The following GAB1 variants were observed in gnomAD, a reference collection of about 807,000 sequenced individuals.
The protein encoded by GAB1 is GRB2-associated-binding protein 1.
A neutral mutation model predicts 66.5 loss-of-function variants in GAB1; 19 were observed. That is an observed-to-expected ratio of 0.29 (90% confidence interval 0.20 to 0.42). The LOEUF (loss-of-function observed/expected upper bound fraction) is 0.42, where lower values mean the gene tolerates loss of function less well. Ranked by LOEUF, GAB1 falls within the 10% of genes least tolerant of loss-of-function variation. The probability of loss-of-function intolerance (pLI) is 1.00; values close to 1 mark genes in which losing one functional copy is unlikely to be tolerated. For synonymous variants in GAB1, 294 were observed against 301.4 expected, an observed-to-expected ratio of 0.98 and a Z score of 0.25; for missense variants, 732 against 858.5, an observed-to-expected ratio of 0.85 and a Z score of 1.84.
intron 8 of GAB1, among the ~76,000 whole-genome samples, chr4:143,463,667 A>G (rs1464128152): frequency 6.6e-6 from 1 of 151,984 alleles, no homozygotes; most frequent in Non-Finnish European, 1.5e-5. Flanking sequence ...TTTGTTATTT[A>G]ATTCAAAGAA....
intron 6 of GAB1, among the ~76,000 whole-genome samples, chr4:143,440,677 C>T (rs17017785): frequency 0.028 from 4,265 of 152,194 alleles, 213 homozygotes; most frequent in African/African-American, 0.098. Flanking sequence ...ACTGGACTGC[C>T]GTAGCCCCAT....
intron 8 of GAB1, among the ~76,000 whole-genome samples, chr4:143,464,471 C>T (rs1735676069): frequency 6.6e-6 from 1 of 152,098 alleles, no homozygotes; most frequent in African/African-American, 2.4e-5. Flanking sequence ...CTCAGGTGGT[C>T]CGCCCGCCTC....
At chr4:143,466,302 G>T in intron 9 of GAB1, 77 bp downstream of exon 9, 1 of 1,404,694 alleles carries the variant, frequency 7.1e-7, no homozygotes, top group Non-Finnish European at 9.7e-7. Context: ...TTTCCTTTGG[G>T]ATAATTTTAT....
intron 2 of GAB1, among the ~76,000 whole-genome samples, chr4:143,418,631 T>A (rs1732835080): frequency 6.6e-6 from 1 of 152,228 alleles, no homozygotes; most frequent in South Asian, 2.1e-4. Context: ...TGGTTGTCTG[T>A]ATAGATTGAG....
Position 143,438,367 on chromosome 4 carries a change from G to T in GAB1, c.962G>T (p.Arg321Leu), listed in dbSNP as rs770936099. ...PTPGNTYQIP[R>L]TFPEGTLGQT... is the part of the protein sequence containing the mutation. ...CCTGGTAATACTTATCAGATTCCAC[G>T]AACATTTCCAGAAGGAACCTTGGGA... Residue 321 changes from arginine (R) to leucine (L), a missense_variant, in exon 4 of 10, where the codon CGA becomes CTA. Physicochemically the swap from Arg to Leu is moderately radical, Grantham distance 102 (BLOSUM62 -2). Transcript: ENST00000262994. 1 of 1,613,880 alleles carries T rather than the reference G, an allele frequency of 6.2e-7. No individual in the cohort carries two copies. The highest frequency in any genetic ancestry group is 8.5e-7 in the Non-Finnish European group (1 of 1,179,966).
Position 143,440,373 on chromosome 4 carries a change from G to T in GAB1, c.1576G>T (p.Asp526Tyr). ...PPPVDRNLKP[D>Y]RKVKPAPLEI... is the part of the protein sequence containing the mutation. ...CCCCGTGGATAGGAACCTCAAGCCA[G>T]ACAGAAAAGGTAAGGAGAGCATGGC... Residue 526 changes from aspartate to tyrosine, a missense_variant, in exon 6 of 10, where the codon GAC becomes TAC. Around this residue, in one of 4 missense-constraint regions of GAB1, gnomAD observed 204 missense variants for 276.8 expected, o/e 0.74. Coordinates refer to ENST00000262994, the MANE Select transcript of GAB1 (RefSeq NM_002039.4). The T allele has an allele frequency of 6.2e-7, 1 of 1,609,268 alleles. No homozygotes were observed. Among genetic ancestry groups the T allele is most frequent in the South Asian group, 1.1e-5 (1 of 90,522 alleles).
intron 3 of GAB1, 45 bp downstream of exon 3, chr4:143,433,761 A>G: frequency 2.1e-6 from 3 of 1,422,482 alleles, no homozygotes; most frequent in South Asian, 1.2e-5. Context: ...AGGCGTGTGT[A>G]TGTGTGTACA....
chr4:143,383,936 G>T (rs749801131), intron 1 of GAB1, among the ~76,000 whole-genome samples: 22 of 152,140 alleles, frequency 1.4e-4, no homozygotes, highest in African/African-American at 5.1e-4. Context: ...CTACCCGGGC[G>T]TGGTAACACT....
intron 2 of GAB1, among the ~76,000 whole-genome samples, chr4:143,431,656 A>G (rs1733660878): frequency 6.6e-6 from 1 of 152,206 alleles, no homozygotes; most frequent in Admixed American, 6.5e-5. Flanking sequence ...ATCAAACCAG[A>G]AAGGACTCTG....
intron 9 of GAB1, among the ~76,000 whole-genome samples, chr4:143,467,476 A>G (rs1735853094): frequency 1.3e-5 from 2 of 152,190 alleles, no homozygotes; most frequent in South Asian, 4.1e-4. Context: ...TTCTAAAATG[A>G]AATTCTGTTT....
At chr4:143,337,373 C>G (rs1293731925) in intron 1 of GAB1, 113 bp downstream of exon 1, 3 of 877,276 alleles carry the variant, frequency 3.4e-6, no homozygotes, top group East Asian at 2.7e-5. Context: ...AAACGAATGC[C>G]GGTCTCTTTC....
intron 9 of GAB1, 60 bp from the exon 10 acceptor site, chr4:143,468,971 A>T: frequency 6.5e-7 from 1 of 1,541,550 alleles, no homozygotes; most frequent in African/African-American, 1.4e-5. Context: ...TTTAAGACTG[A>T]GTTGTACTCA....
chr4:143,438,687 A>G, intron 4 of GAB1, 87 bp downstream of exon 4: 3 of 1,361,618 alleles, frequency 2.2e-6, no homozygotes, highest in Non-Finnish European at 3.0e-6. Context: ...GCGTAGTTAA[A>G]TATACTATGC....
intron 1 of GAB1, among the ~76,000 whole-genome samples, chr4:143,413,104 T>C (rs892418173): frequency 5.3e-5 from 8 of 152,148 alleles, no homozygotes; most frequent in African/African-American, 1.9e-4. Flanking sequence ...TTTTAAAAAG[T>C]CATTTCTGTA....
chr4:143,413,243 C>T (rs74712461), intron 1 of GAB1, among the ~76,000 whole-genome samples: 4,822 of 152,180 alleles, frequency 0.032, 119 homozygotes, highest in South Asian at 0.086. Context: ...TTAAAGCTTA[C>T]TGCTTGAGAG....
chr4:143,350,122 T>C, intron 1 of GAB1: 1 of 1,040,336 alleles, frequency 9.6e-7, no homozygotes, highest in South Asian at 1.4e-5. Flanking sequence ...CGCCATTTGG[T>C]GTTTTCTCGG....
intron 1 of GAB1, among the ~76,000 whole-genome samples, chr4:143,340,655 C>T (rs1254009354): frequency 1.3e-5 from 2 of 152,172 alleles, no homozygotes; most frequent in Admixed American, 1.3e-4. Flanking sequence ...GGATTATAGG[C>T]ATCCCCCTCC....
intron 1 of GAB1, among the ~76,000 whole-genome samples, chr4:143,368,377 T>G (rs2149663399): frequency 6.6e-6 from 1 of 152,330 alleles, no homozygotes. Context: ...CTGTGCTGTA[T>G]TTGGAGTGGA....
At chr4:143,443,182 A>G (rs932817796) in intron 6 of GAB1, among the ~76,000 whole-genome samples, 3 of 151,762 alleles carry the variant, frequency 2.0e-5, no homozygotes, top group Non-Finnish European at 2.9e-5. Flanking sequence ...ACGCCCAGCT[A>G]ATTTTTTGTA....
Sources: gnomAD v4.1 joint callset for allele counts (sites outside exome capture counted in the v4.1 genomes callset) on GRCh38, gnomAD v4.1.1 for gene constraint, gnomAD v4.1.1 regional missense constraint, MANE v1.5 for transcripts, NCBI Gene and HGNC (gene_info 2026-07-23, HGNC 2026-07-21) for gene names.